The following RC3H2 variants were observed in gnomAD, a reference collection of about 807,000 sequenced individuals.
RC3H2 encodes the protein ring finger and CCCH-type domains 2, also known as roquin-2.
RC3H2 carries 31 observed loss-of-function variants against 133.3 expected under a neutral mutation model. The ratio of observed to expected loss-of-function variants is 0.23; its 90% CI spans 0.17 to 0.31. The LOEUF is 0.31. RC3H2 is among the 10% of genes least tolerant of loss of function. The pLI, the probability that RC3H2 is intolerant of heterozygous loss-of-function variation, is 1.00. For missense variants in RC3H2, 1,175 were observed against 1,437.2 expected, an observed-to-expected ratio of 0.82 and a Z score of 2.95; for synonymous variants, 517 against 502.2, an observed-to-expected ratio of 1.03 and a Z score of -0.40.
At chr9:122,898,491 T>C (rs1832515660) in intron 1 of RC3H2, among the ~76,000 whole-genome samples, 1 of 152,194 alleles carries the variant, frequency 6.6e-6, no homozygotes, top group African/African-American at 2.4e-5. Flanking sequence ...GGCTCACACC[T>C]ATAATCCCAG....
intron 1 of RC3H2, among the ~76,000 whole-genome samples, chr9:122,903,205 T>C (rs915824319): frequency 6.6e-6 from 1 of 152,372 alleles, no homozygotes; most frequent in African/African-American, 2.4e-5. Flanking sequence ...ACGCTGATCA[T>C]AACATTCATG....
chr9:122,891,176 C>T (rs1371036753), intron 3 of RC3H2, among the ~76,000 whole-genome samples: 1 of 151,120 alleles, frequency 6.6e-6, no homozygotes, highest in Non-Finnish European at 1.5e-5. Flanking sequence ...AGTGTCACCA[C>T]ACCTGGCTAA....
chr9:122,874,086 T>C (rs1354057469), intron 9 of RC3H2: 1 of 152,064 alleles, frequency 6.6e-6, no homozygotes, highest in Non-Finnish European at 1.5e-5. Flanking sequence ...GAAGATAATA[T>C]CTGAGTATGA....
intron 4 of RC3H2, among the ~76,000 whole-genome samples, chr9:122,889,592 A>G: frequency 6.6e-6 from 1 of 152,210 alleles, no homozygotes. Context: ...TTTTTAAGAC[A>G]GAACATAGAT....
At chr9:122,896,840 T>C (rs10818760) in intron 2 of RC3H2, among the ~76,000 whole-genome samples, 34,155 of 151,472 alleles carry the variant, frequency 0.23, 5,207 homozygotes, top group East Asian at 0.65. Context: ...CTGGCCAACA[T>C]AGTGAAACCC....
intron 20 of RC3H2, among the ~76,000 whole-genome samples, chr9:122,850,627 A>G (rs192591197): frequency 8.8e-4 from 134 of 151,892 alleles, no homozygotes; most frequent in African/African-American, 2.9e-3. Context: ...GTATTTTTGT[A>G]GAGACAGGGT....
chr9:122,851,703 T>C (rs1336085938), intron 18 of RC3H2: 6 of 385,358 alleles, frequency 1.6e-5, no homozygotes, highest in Non-Finnish European at 2.4e-5. Context: ...TTCGCTGTGA[T>C]GGCCGGGCTG....
At chr9:122,869,412 T>C (rs1830959337) in intron 9 of RC3H2, among the ~76,000 whole-genome samples, 1 of 152,178 alleles carries the variant, frequency 6.6e-6, no homozygotes, top group South Asian at 2.1e-4. Flanking sequence ...ACAACTTCAT[T>C]ATTCAGTCCT....
chr9:122,904,806 A>T (rs1832777548), intron 1 of RC3H2, among the ~76,000 whole-genome samples: 2 of 152,024 alleles, frequency 1.3e-5, no homozygotes, highest in Admixed American at 6.5e-5. Context: ...GAAAAGGGAG[A>T]GTGAAGCCGG....
In RC3H2 at chr9:122,905,169, C is replaced by A; in HGVS notation, c.-127G>T. ...TCCCGGGAGCCCCGCGACGGCGCGG[C>A]TTGGCGACGGAGGCGCCTCGTCTCG... On this transcript the variant is annotated 5_prime_UTR_variant, in exon 1 of 21. Transcript: ENST00000357244. The A allele has an allele frequency of 5.1e-6, 5 of 985,474 alleles. No homozygotes were observed. The highest frequency in any genetic ancestry group is 6.0e-6 in the Non-Finnish European group (5 of 829,946). The allele number at this position is 985,474 out of a possible 1,614,324, so 61.0% of individuals were successfully genotyped here.
intron 18 of RC3H2, 140 bp downstream of exon 18, chr9:122,853,812 T>C (rs1289770650): frequency 2.5e-5 from 38 of 1,513,692 alleles, no homozygotes; most frequent in Non-Finnish European, 2.4e-5. Flanking sequence ...TACAATTTTA[T>C]TTCTGTTATA....
chr9:122,880,500 T>A (rs1163860051), intron 6 of RC3H2, 94 bp downstream of exon 6: 1 of 954,282 alleles, frequency 1.0e-6, no homozygotes, highest in Non-Finnish European at 1.6e-6. Context: ...AACATAGGAA[T>A]CTCCAACTGT....
intron 1 of RC3H2, among the ~76,000 whole-genome samples, chr9:122,904,076 T>A (rs1448706576): frequency 1.3e-5 from 2 of 152,172 alleles, no homozygotes; most frequent in Non-Finnish European, 2.9e-5. Context: ...AAGTTCCTAC[T>A]GGAACTTAAA....
At chr9:122,869,186 G>GT (rs779705560) in intron 9 of RC3H2, among the ~76,000 whole-genome samples, 35 of 152,056 alleles carry the variant, frequency 2.3e-4, no homozygotes, top group Admixed American at 2.6e-4. Flanking sequence ...GATTACGGGT[G>GT]TGAGCCACCA....
Position 122,846,768 on chromosome 9 carries a change from G to C in RC3H2, c.*2859C>G, listed in dbSNP as rs1829878176. 1 of 152,084 alleles carries C rather than the reference G, an allele frequency of 6.6e-6. No individual in the cohort carries two copies. Among genetic ancestry groups the C allele is most frequent in the Non-Finnish European group, 1.5e-5 (1 of 67,996 alleles). The allele number at this position is 152,084 out of a possible 1,614,324, so 9.4% of individuals were successfully genotyped here. A position where few individuals can be genotyped will look rare whatever the true frequency, so the allele number is the denominator to read the frequency against. ...TACATCACATCTTGTTGGTAAAAAG[G>C]CCAAATGACGGGAAATGCCTCAATT... On this transcript the variant is annotated 3_prime_UTR_variant, in exon 21 of 21. Transcript: ENST00000357244.
At chr9:122,879,695 T>A in intron 8 of RC3H2, 60 bp downstream of exon 8, 1 of 1,095,988 alleles carries the variant, frequency 9.1e-7, no homozygotes, top group Non-Finnish European at 1.3e-6. Flanking sequence ...CTGGTTAAGA[T>A]GTTCAGGATG....
chr9:122,871,397 A>G (rs2131432341), intron 9 of RC3H2, among the ~76,000 whole-genome samples: 1 of 150,702 alleles, frequency 6.6e-6, no homozygotes, highest in South Asian at 2.1e-4. Context: ...TCCCAGGTTC[A>G]CGCCATTCTC....
chr9:122,859,144 C>A, intron 11 of RC3H2, 42 bp from the exon 12 acceptor site: 1 of 1,418,756 alleles, frequency 7.0e-7, no homozygotes, highest in Non-Finnish European at 9.4e-7. Context: ...AATCTTAGTA[C>A]AATCCAACAT....
intron 9 of RC3H2, 51 bp from the exon 10 acceptor site, chr9:122,865,708 CAA>C (rs1375134548): frequency 1.3e-6 from 2 of 1,535,034 alleles, no homozygotes; most frequent in Admixed American, 1.8e-5. Context: ...AAATCTTACT[CAA>C]GACAAAAAAT....
Sources: allele counts gnomAD v4.1 joint callset (sites outside exome capture counted in the v4.1 genomes callset), GRCh38; gene constraint gnomAD v4.1.1; transcripts MANE v1.5; gene names NCBI Gene and HGNC (gene_info 2026-07-23, HGNC 2026-07-21).